Variants in ZNF608 observed in about 807,000 individuals in gnomAD.
ZNF608 encodes renal carcinoma antigen NY-REN-36.
In ZNF608, 12 loss-of-function variants were observed where a neutral mutation model predicts 109.0. The observed-to-expected ratio is 0.11, with a 90% CI of 0.07 to 0.18. The LOEUF is 0.18. Among genes scored for constraint, ZNF608 ranks in the 10% least tolerant of loss-of-function variants. ZNF608 has a pLI of 1.00. For synonymous variants in ZNF608, 732 were observed against 717.4 expected, an observed-to-expected ratio of 1.02 and a Z score of -0.33; for missense variants, 1,707 against 1,879.3, an observed-to-expected ratio of 0.91 and a Z score of 1.70.
At chr5:124,682,971 C>A (rs1179267881) in intron 3 of ZNF608, among the ~76,000 whole-genome samples, 1 of 152,068 alleles carries the variant, frequency 6.6e-6, no homozygotes, top group Non-Finnish European at 1.5e-5. Context: ...TCATTTCTAA[C>A]ATTAAGTTAT....
At chr5:124,689,015 TA>T (rs1752504569) in intron 3 of ZNF608, among the ~76,000 whole-genome samples, 1 of 152,162 alleles carries the variant, frequency 6.6e-6, no homozygotes, top group South Asian at 2.1e-4. Flanking sequence ...AATTTGAAAT[TA>T]AAAACACAAT....
At chr5:124,733,281 C>A (rs1214430582) in intron 2 of ZNF608, among the ~76,000 whole-genome samples, 1 of 130,772 alleles carries the variant, frequency 7.6e-6, no homozygotes, top group East Asian at 2.4e-4. Context: ...CTAGGTTCTT[C>A]CATTATTTAG....
intron 2 of ZNF608, among the ~76,000 whole-genome samples, chr5:124,714,319 G>A (rs1225103110): frequency 1.8e-4 from 27 of 152,130 alleles, no homozygotes; most frequent in Admixed American, 1.8e-3. Context: ...TTCTGTTGAG[G>A]ACTAGAAATG....
intron 3 of ZNF608, among the ~76,000 whole-genome samples, chr5:124,663,434 C>T (rs1751359908): frequency 6.6e-6 from 1 of 152,176 alleles, no homozygotes; most frequent in Non-Finnish European, 1.5e-5. Context: ...CCCCACCCCA[C>T]AAAACCTTGC....
intron 2 of ZNF608, among the ~76,000 whole-genome samples, chr5:124,722,536 G>T (rs1422958206): frequency 6.7e-6 from 1 of 149,434 alleles, no homozygotes; most frequent in Non-Finnish European, 1.5e-5. Context: ...CATATTTAAA[G>T]CAATACTGTG....
chr5:124,637,735 C>T lies in ZNF608; in HGVS notation c.*165G>A. On this transcript the variant is annotated 3_prime_UTR_variant, in exon 10 of 10. Transcript: ENST00000513986. ...TATATATAAAACAGAAGTTTAATTACAGCAACATTTGTTACTCTGTGATAA... is the reference window on the plus strand; with the variant it reads ...TATATATAAAACAGAAGTTTAATTATAGCAACATTTGTTACTCTGTGATAA... 2.0e-6 allele frequency: 1 copy of T among 510,976 alleles called. No individual in the cohort carries two copies. The highest frequency in any genetic ancestry group is 3.4e-6 in the Non-Finnish European group (1 of 292,140). 31.7% of individuals were successfully genotyped at this position (510,976 alleles called of 1,614,324 possible).
chr5:124,688,296 A>C (rs1471637870), intron 3 of ZNF608, among the ~76,000 whole-genome samples: 1 of 152,154 alleles, frequency 6.6e-6, no homozygotes, highest in Non-Finnish European at 1.5e-5. Context: ...ATTGAGGCAG[A>C]GCCCAGCCGT....
Position 124,647,610 on chromosome 5 carries a change from T to C in ZNF608, c.2774A>G (p.Asn925Ser), listed in dbSNP as rs1295084925. The C allele has an allele frequency of 5.0e-6, 8 of 1,614,114 alleles. No homozygotes were observed. The highest frequency in any genetic ancestry group is 5.9e-6 in the Non-Finnish European group (7 of 1,180,054). The change falls in exon 5 of 10, where the codon AAT (asparagine) becomes AGT (serine). Residue 925 changes from asparagine (N) to serine (S), a missense_variant. Asn to Ser is a conservative substitution (Grantham distance 46). This residue lies in a region of ZNF608 where 1,073 missense variants were observed against 1,133.5 expected (regional missense o/e 0.95). Coordinates refer to ENST00000513986, the MANE Select transcript of ZNF608 (RefSeq NM_020747.3). ...CTTTGCAGCTGAACTCTCTGCCCCA[T>C]TCTGGGTCAACACATGCAGAGGTGC... is the stretch of plus-strand genomic sequence containing the variant. ...PMAPLHVLTQ[N>S]GAESSAAKTS...
At position 124,637,667 on chromosome 5, in the gene ZNF608, TTATATA is replaced by T. The variant is rs34750134; in HGVS notation, c.*227_*232del. On this transcript the variant is annotated 3_prime_UTR_variant, in exon 10 of 10. Transcript: ENST00000513986. Reference sequence around the variant, plus strand: ...CAAAAAGTAAAGAATATATTTATATTTATATATATATATATGTATATATACAGATAT... The same window carrying T: ...CAAAAAGTAAAGAATATATTTATATTTATATATATGTATATATACAGATAT... The T allele has an allele frequency of 5.7e-6, 1 of 175,490 alleles. No homozygotes were observed. Among genetic ancestry groups the T allele is most frequent in the Admixed American group, 6.4e-5 (1 of 15,596 alleles). 10.9% of individuals were successfully genotyped at this position (175,490 alleles called of 1,614,324 possible).
intron 2 of ZNF608, 72 bp from the exon 3 acceptor site, chr5:124,701,341 C>G: frequency 6.4e-7 from 1 of 1,560,948 alleles, no homozygotes; most frequent in East Asian, 2.2e-5. Flanking sequence ...TTGCTTATAT[C>G]ACTTCTAGAA....
chr5:124,697,059 T>C (rs1025597479), intron 3 of ZNF608, among the ~76,000 whole-genome samples: 2 of 152,020 alleles, frequency 1.3e-5, no homozygotes, highest in Non-Finnish European at 2.9e-5. Flanking sequence ...GAACCCTCTT[T>C]GGCAAGTACC....
At chr5:124,713,647 G>A (rs556438543) in intron 2 of ZNF608, among the ~76,000 whole-genome samples, 1 of 152,274 alleles carries the variant, frequency 6.6e-6, no homozygotes, top group East Asian at 1.9e-4. Context: ...CCGTGATGTT[G>A]CCTCTTGGCC....
chr5:124,712,729 C>T (rs1037580328), intron 2 of ZNF608, among the ~76,000 whole-genome samples: 2 of 152,138 alleles, frequency 1.3e-5, no homozygotes, highest in African/African-American at 4.8e-5. Context: ...AAGAACAAAG[C>T]GGCTGGCTTT....
In ZNF608 at chr5:124,644,245, A is replaced by G. The variant is rs756759043; in HGVS notation, c.4122T>C (p.Pro1374=). 4 of 1,601,376 alleles carry G rather than the reference A, an allele frequency of 2.5e-6. No homozygotes were observed. The highest frequency in any genetic ancestry group is 3.4e-6 in the Non-Finnish European group (4 of 1,170,118). Residue 1374 remains proline (P), a splice_region_variant and synonymous_variant, in exon 6 of 10, where the codon CCT becomes CCC. Transcript: ENST00000513986. ...ATAGTCAGAACCGACAACACGTACC[A>G]GGATAACTGTGCATTAGGACGGGAG... ...AVSPVLMHSY[P]GAYLSPGFHY...
chr5:124,658,589 G>C (rs1751112329), intron 3 of ZNF608, among the ~76,000 whole-genome samples: 1 of 152,184 alleles, frequency 6.6e-6, no homozygotes, highest in South Asian at 2.1e-4. Context: ...ACCACTGGTT[G>C]GTCTGAAATC....
At chr5:124,660,719 T>C (rs1751222163) in intron 3 of ZNF608, among the ~76,000 whole-genome samples, 1 of 152,154 alleles carries the variant, frequency 6.6e-6, no homozygotes, top group African/African-American at 2.4e-5. Flanking sequence ...TTAAATAAGA[T>C]GTGATTTATG....
intron 3 of ZNF608, among the ~76,000 whole-genome samples, chr5:124,653,136 A>G (rs1468707674): frequency 6.6e-6 from 1 of 152,254 alleles, no homozygotes; most frequent in Non-Finnish European, 1.5e-5. Flanking sequence ...AAGTAAGAAT[A>G]CAGCTGAAGA....
chr5:124,661,442 C>T (rs1751252922), intron 3 of ZNF608, among the ~76,000 whole-genome samples: 3 of 151,420 alleles, frequency 2.0e-5, no homozygotes, highest in South Asian at 4.2e-4. Context: ...CCTTCCCACC[C>T]TCCCCCATTC....
chr5:124,666,104 C>T (rs994283471), intron 3 of ZNF608, among the ~76,000 whole-genome samples: 1 of 152,220 alleles, frequency 6.6e-6, no homozygotes, highest in Non-Finnish European at 1.5e-5. Flanking sequence ...AAATGACAGC[C>T]TTCTTTGCCT....
Sources: allele counts gnomAD v4.1 joint callset (sites outside exome capture counted in the v4.1 genomes callset), GRCh38; gene constraint gnomAD v4.1.1; regional missense constraint gnomAD v4.1.1; transcripts MANE v1.5; gene names NCBI Gene and HGNC (gene_info 2026-07-23, HGNC 2026-07-21).